The following TTC28 variants were observed in gnomAD, a reference collection of about 807,000 sequenced individuals.
TTC28 encodes the protein tetratricopeptide repeat domain 28.
In TTC28, 61 loss-of-function variants were observed where a neutral mutation model predicts 198.0. The ratio of observed to expected loss-of-function variants is 0.31; its 90% CI spans 0.25 to 0.38. The LOEUF (loss-of-function observed/expected upper bound fraction) is 0.38. Ranked by LOEUF, TTC28 falls within the 10% of genes least tolerant of loss-of-function variation. TTC28 has a pLI of 1.00. For synonymous variants in TTC28, 1,171 were observed against 1,297.8 expected (o/e 0.90, Z 2.10); for missense variants, 2,678 against 3,164.0 (o/e 0.85, Z 3.69).
chr22:28,591,008 AACACACACACACAC>A (rs55694132), intron 2 of TTC28, among the ~76,000 whole-genome samples: 19 of 55,104 alleles, frequency 3.4e-4, no homozygotes, highest in South Asian at 1.0e-3. Flanking sequence ...CTCTGCCTCA[AACACACACACACAC>A]ACACACACAC....
At chr22:28,389,490 T>A (rs867477735) in intron 2 of TTC28, among the ~76,000 whole-genome samples, 101 of 148,606 alleles carry the variant, frequency 6.8e-4, no homozygotes, top group Middle Eastern at 3.5e-3. Context: ...TTTTGGTTGG[T>A]AAGCTACTGA....
chr22:28,159,338 G>A lies in TTC28; in HGVS notation c.1441+3754C>T, dbSNP rs138615545. Among the ~76,000 whole-genome samples, 162 of 152,198 alleles carry A rather than the reference G, an allele frequency of 1.1e-3. 1 individual carries two copies. The highest frequency in any genetic ancestry group is 2.0e-3 in the Non-Finnish European group (136 of 67,992). On this transcript the variant is annotated intron_variant, in intron 6 of 22. Transcript: ENST00000397906. Reference sequence around the variant, plus strand: ...GTACAACCACTATGGAGAAGGGTTCGGAGGTTAATCAAAAAAAACTAAAAA... The same window carrying A: ...GTACAACCACTATGGAGAAGGGTTCAGAGGTTAATCAAAAAAAACTAAAAA...
intron 2 of TTC28, among the ~76,000 whole-genome samples, chr22:28,568,297 G>A (rs1252309402): frequency 6.6e-6 from 1 of 152,180 alleles, no homozygotes; most frequent in Non-Finnish European, 1.5e-5. Flanking sequence ...GGTGATTGTT[G>A]CACAATAATG....
At chr22:28,476,645 T>A (rs2048171833) in intron 2 of TTC28, among the ~76,000 whole-genome samples, 1 of 152,212 alleles carries the variant, frequency 6.6e-6, no homozygotes, top group Non-Finnish European at 1.5e-5. Context: ...GTGGATATAG[T>A]ATCTCACTAT....
At chr22:28,389,018 C>A (rs1219969083) in intron 2 of TTC28, among the ~76,000 whole-genome samples, 2 of 151,934 alleles carry the variant, frequency 1.3e-5, no homozygotes, top group African/African-American at 2.4e-5. Context: ...TACGTCCCAT[C>A]AATACCTAAT....
intron 2 of TTC28, among the ~76,000 whole-genome samples, chr22:28,621,759 A>AAAAAG (rs2051003096): frequency 6.9e-6 from 1 of 144,764 alleles, no homozygotes; most frequent in African/African-American, 2.7e-5. Context: ...AAAAAAAAAA[A>AAAAAG]AAAGAAAGAA....
chr22:28,614,705 A>G (rs1394203163), intron 2 of TTC28, among the ~76,000 whole-genome samples: 1 of 152,200 alleles, frequency 6.6e-6, no homozygotes, highest in Non-Finnish European at 1.5e-5. Context: ...AGGATTCCCT[A>G]TTTAATAAAT....
rs1942057894 is a variant in TTC28, at chr22:28,098,996, G to A, written c.3466C>T (p.Leu1156=). Residue 1156 remains leucine, a synonymous_variant, in exon 10 of 23, where the codon CTG becomes TTG. Transcript: ENST00000397906. ...LFETIRHEAQ[L]STDYKLSLFD... ...AGGGAGAGTTTGTAGTCCGTGCTCAGCTGTGCCTCATGTCGGATTGTTTCA... is the reference window on the plus strand; with the variant it reads ...AGGGAGAGTTTGTAGTCCGTGCTCAACTGTGCCTCATGTCGGATTGTTTCA... 6.4e-7 allele frequency: 1 copy of A among 1,552,000 alleles called. No homozygotes were observed. Among genetic ancestry groups the A allele is most frequent in the African/African-American group, 1.4e-5 (1 of 73,190 alleles).
chr22:28,618,597 G>A (rs926059894), intron 2 of TTC28, among the ~76,000 whole-genome samples: 4 of 149,692 alleles, frequency 2.7e-5, no homozygotes, highest in African/African-American at 7.4e-5. Flanking sequence ...CAGGAGAATC[G>A]TTTGAACCTG....
Position 28,151,279 on chromosome 22 carries a change from A to C in TTC28, c.1441+11813T>G, listed in dbSNP as rs117235863. On this transcript the variant is annotated intron_variant, in intron 6 of 22. Coordinates refer to ENST00000397906, the MANE Select transcript of TTC28 (RefSeq NM_001145418.2). Reference sequence around the variant, plus strand: ...ACATCAGATTACAATTAGCATCTACAAATGAACCAAGTGCCAACTGCCAAG... The same window carrying C: ...ACATCAGATTACAATTAGCATCTACCAATGAACCAAGTGCCAACTGCCAAG... Among the ~76,000 whole-genome samples the C allele has an allele frequency of 2.6e-5, 4 of 152,340 alleles. No homozygotes were observed. In the East Asian group the frequency reaches 7.7e-4, roughly 29 times the overall value.
At chr22:28,319,833 A>T (rs907827795) in intron 2 of TTC28, among the ~76,000 whole-genome samples, 2 of 152,256 alleles carry the variant, frequency 1.3e-5, no homozygotes, top group African/African-American at 2.4e-5. Context: ...CATTAATGGT[A>T]GAATTTCATC....
chr22:28,322,711 T>C (rs776627852), intron 2 of TTC28, among the ~76,000 whole-genome samples: 1 of 152,242 alleles, frequency 6.6e-6, no homozygotes, highest in African/African-American at 2.4e-5. Context: ...ATATAACAAA[T>C]GATCACAAAG....
intron 1 of TTC28, among the ~76,000 whole-genome samples, chr22:28,637,175 A>AT (rs1200582280): frequency 6.6e-6 from 1 of 151,130 alleles, no homozygotes; most frequent in African/African-American, 2.4e-5. Flanking sequence ...TGCCAGGCTA[A>AT]TTTTTTTTGT....
At chr22:28,183,240 G>C (rs1199242975) in intron 5 of TTC28, among the ~76,000 whole-genome samples, 1 of 151,758 alleles carries the variant, frequency 6.6e-6, no homozygotes, top group African/African-American at 2.4e-5. Context: ...TTTTATTTTT[G>C]GTAGAGATGG....
chr22:28,279,106 A>G (rs1395231142), intron 5 of TTC28, among the ~76,000 whole-genome samples: 3 of 152,198 alleles, frequency 2.0e-5, no homozygotes, highest in Non-Finnish European at 4.4e-5. Flanking sequence ...ATTTACAAAG[A>G]TACAGTCAAA....
Position 28,524,495 on chromosome 22 carries a change from G to A in TTC28, c.381+105057C>T, listed in dbSNP as rs532773019. Among the ~76,000 whole-genome samples, 29 of 150,220 alleles carry A rather than the reference G, an allele frequency of 1.9e-4. No homozygotes were observed. The South Asian group carries it at 5.9e-3, about 31-fold the overall frequency. ...AAAAAAAAATATTCAACGGTATCCA[G>A]ACAGGCACAATGGCTCATGCCTGTA... is the stretch of plus-strand genomic sequence containing the variant. On this transcript the variant is annotated intron_variant, in intron 2 of 22. Transcript: ENST00000397906.
chr22:28,374,858 T>A (rs879142706), intron 2 of TTC28, among the ~76,000 whole-genome samples: 10 of 151,972 alleles, frequency 6.6e-5, no homozygotes, highest in East Asian at 1.9e-4. Flanking sequence ...ATTTTTTTTT[T>A]AATATTTTTT....
At chr22:28,399,015 CTTT>C (rs77161387) in intron 2 of TTC28, among the ~76,000 whole-genome samples, 4 of 135,202 alleles carry the variant, frequency 3.0e-5, no homozygotes, top group Non-Finnish European at 4.8e-5. Flanking sequence ...GTTATTTTGC[CTTT>C]TTTTTTTTTT....
chr22:28,392,848 C>T (rs1328487854), intron 2 of TTC28, among the ~76,000 whole-genome samples: 4 of 147,502 alleles, frequency 2.7e-5, no homozygotes, highest in African/African-American at 5.0e-5. Flanking sequence ...TGCTCCTATT[C>T]GGCCATCTTG....
Sources: allele counts gnomAD v4.1 joint callset (sites outside exome capture counted in the v4.1 genomes callset), GRCh38; gene constraint gnomAD v4.1.1; transcripts MANE v1.5; gene names NCBI Gene and HGNC (gene_info 2026-07-23, HGNC 2026-07-21).